Variants in STOX2 observed in about 807,000 individuals in gnomAD.
STOX2 encodes the protein storkhead box 2, also known as storkhead-box protein 2.
STOX2 carries 28 observed loss-of-function variants against 60.9 expected under a neutral mutation model. The observed-to-expected ratio is 0.46, with a 90% CI of 0.34 to 0.63. STOX2 has a LOEUF of 0.63. Among genes scored for constraint, STOX2 ranks in the 30% least tolerant of loss-of-function variants. The pLI is 0.01. For missense variants in STOX2, 1,024 were observed against 1,187.7 expected, an observed-to-expected ratio of 0.86 and a Z score of 2.03; for synonymous variants, 472 against 463.9, an observed-to-expected ratio of 1.02 and a Z score of -0.22.
chr4:183,983,576 C>T (rs1579503439), intron 1 of STOX2, among the ~76,000 whole-genome samples: 1 of 152,108 alleles, frequency 6.6e-6, no homozygotes, highest in East Asian at 1.9e-4. Flanking sequence ...CCAAGAAGTC[C>T]CTGGGGGAAG....
chr4:183,917,340 C>T (rs1308114809), intron 1 of STOX2, among the ~76,000 whole-genome samples: 1 of 152,208 alleles, frequency 6.6e-6, no homozygotes, highest in Admixed American at 6.5e-5. Flanking sequence ...TTAGCTGTAA[C>T]CACCGGGTTG....
intron 1 of STOX2, among the ~76,000 whole-genome samples, chr4:183,992,863 G>T (rs1189310398): frequency 6.6e-6 from 1 of 152,240 alleles, no homozygotes; most frequent in Non-Finnish European, 1.5e-5. Context: ...ATTCGGCTAG[G>T]TTTTATTCCA....
At chr4:183,958,907 G>T (rs1005507957) in intron 1 of STOX2, among the ~76,000 whole-genome samples, 1 of 151,696 alleles carries the variant, frequency 6.6e-6, no homozygotes, top group Non-Finnish European at 1.5e-5. Flanking sequence ...ATTCAGGGAT[G>T]TGGGCAGTTC....
At position 184,009,889 on chromosome 4, in the gene STOX2, G is replaced by C; in HGVS notation, c.1051G>C (p.Ala351Pro). 6.2e-7 allele frequency: 1 copy of C among 1,612,080 alleles called. No homozygotes were observed. Residue 351 changes from alanine (A) to proline (P), a missense_variant, in exon 3 of 4, where the codon GCC (alanine) becomes CCC (proline). Ala to Pro is a conservative substitution (Grantham distance 27). Coordinates refer to ENST00000308497, the MANE Select transcript of STOX2 (RefSeq NM_020225.3). This position sits in a 1 kb window ranked among gnomAD's most constrained non-coding sequence, Gnocchi z 4.0. ...KAQRSKAGSS[A>P]HHSGRSKKSR... ...CCAGAGGAGTAAAGCCGGGTCCTCT[G>C]CCCATCACAGCGGAAGGAGTAAAAA...
At chr4:183,868,327 G>A (rs868816204) in intron 1 of STOX2, among the ~76,000 whole-genome samples, 3 of 152,184 alleles carry the variant, frequency 2.0e-5, no homozygotes, top group Non-Finnish European at 2.9e-5. Flanking sequence ...GTGGGAGGCC[G>A]AGGAGGGAGG....
chr4:184,010,833 C>T lies in STOX2; in HGVS notation c.1995C>T (p.Pro665=), dbSNP rs559919334. 54 of 1,592,878 alleles carry T rather than the reference C, an allele frequency of 3.4e-5. No individual in the cohort carries two copies. The highest frequency in any genetic ancestry group is 5.2e-5 in the Admixed American group (3 of 57,726). Residue 665 remains proline, a synonymous_variant, in exon 3 of 4, where the codon CCC becomes CCT. Coordinates refer to ENST00000308497, the MANE Select transcript of STOX2 (RefSeq NM_020225.3). This position sits in a 1 kb window ranked among gnomAD's most constrained non-coding sequence, Gnocchi z 4.5. ...EESPKGPGGG[P]AASGGVAEGI... is the part of the protein sequence containing the mutation. Reference sequence around the variant, plus strand: ...CACCAAAAGGGCCGGGTGGGGGCCCCGCTGCTTCGGGAGGAGTGGCTGAAG... The same window carrying T: ...CACCAAAAGGGCCGGGTGGGGGCCCTGCTGCTTCGGGAGGAGTGGCTGAAG...
chr4:183,935,224 C>T (rs558299601), intron 1 of STOX2, among the ~76,000 whole-genome samples: 17 of 152,330 alleles, frequency 1.1e-4, no homozygotes, highest in Non-Finnish European at 2.1e-4. Context: ...CATTCTGGGG[C>T]GCCACCCCAT....
rs780021649 is a variant in STOX2, at chr4:183,906,818, C to T, written c.28C>T (p.Arg10Trp). Residue 10 changes from arginine to tryptophan, a missense_variant, in exon 1 of 4, where the codon CGG becomes TGG. By Grantham distance (101) the Arg-to-Trp change is moderately radical. Coordinates refer to ENST00000308497, the MANE Select transcript of STOX2 (RefSeq NM_020225.3). MKKTRSTTLRRAWPSSDFSD... is the reference protein window; with the variant it reads MKKTRSTTLWRAWPSSDFSD... ...GAAGAAGACCCGGAGCACAACCTTG[C>T]GGCGAGCCTGGCCTAGCTCGGATTT... is the stretch of plus-strand genomic sequence containing the variant. 1 of 1,557,706 alleles carries T rather than the reference C, an allele frequency of 6.4e-7. No individual in the cohort carries two copies. Among genetic ancestry groups the T allele is most frequent in the Non-Finnish European group, 8.7e-7 (1 of 1,151,028 alleles).
intron 1 of STOX2, among the ~76,000 whole-genome samples, chr4:183,823,238 A>G (rs540871934): frequency 6.6e-6 from 1 of 152,240 alleles, no homozygotes; most frequent in East Asian, 1.9e-4. Flanking sequence ...TCTCCTAAAA[A>G]TACAAAAATC....
At chr4:183,913,125 C>T (rs550185605) in intron 1 of STOX2, among the ~76,000 whole-genome samples, 5 of 151,776 alleles carry the variant, frequency 3.3e-5, no homozygotes, top group South Asian at 2.1e-4. Context: ...AGAAGTGGGT[C>T]GATTTGAAGA....
rs377338642 is a variant in STOX2, at chr4:183,814,900, G to A, written c.364+16845G>A. The stretch of plus-strand genomic sequence containing the variant: ...TCTTCATTTTCAGATTTTCTTTAGC[G>A]ATAAATGATGTTACTTTGAGTATAA... On this transcript the variant is annotated intron_variant, in intron 1 of 2. Coordinates refer to the STOX2 transcript ENST00000513034. Among the ~76,000 whole-genome samples the A allele has an allele frequency of 1.9e-4, 29 of 152,246 alleles. No individual in the cohort carries two copies. In the East Asian group the frequency reaches 3.3e-3, roughly 17 times the overall value.
At chr4:183,993,132 G>C (rs1366265787) in intron 1 of STOX2, among the ~76,000 whole-genome samples, 1 of 152,218 alleles carries the variant, frequency 6.6e-6, no homozygotes, top group Non-Finnish European at 1.5e-5. Context: ...TGCCCACGAG[G>C]ATGGCCCCTT....
intron 1 of STOX2, among the ~76,000 whole-genome samples, chr4:183,843,470 T>C (rs1739916808): frequency 6.6e-6 from 1 of 152,212 alleles, no homozygotes; most frequent in Non-Finnish European, 1.5e-5. Context: ...GCACTGAACT[T>C]TAGATCAGGA....
At chr4:183,917,929 A>G (rs1234796100) in intron 1 of STOX2, among the ~76,000 whole-genome samples, 1 of 152,266 alleles carries the variant, frequency 6.6e-6, no homozygotes, top group Admixed American at 6.5e-5. Flanking sequence ...ATAAAATAGT[A>G]TCTAATTTAT....
chr4:183,874,573 T>C (rs1423733036), intron 1 of STOX2, among the ~76,000 whole-genome samples: 1 of 152,122 alleles, frequency 6.6e-6, no homozygotes, highest in Non-Finnish European at 1.5e-5. Context: ...TACAGAACTC[T>C]TTCTAATAGC....
At chr4:183,963,219 G>GAGA (rs151111039) in intron 1 of STOX2, among the ~76,000 whole-genome samples, 5,120 of 152,178 alleles carry the variant, frequency 0.034, 296 homozygotes, top group African/African-American at 0.12. Flanking sequence ...ATGGAAATAT[G>GAGA]AGGAGACAGT....
chr4:183,981,380 G>A (rs2309949), intron 1 of STOX2, among the ~76,000 whole-genome samples: 69,798 of 151,158 alleles, frequency 0.46, 16,454 homozygotes, highest in Middle Eastern at 0.52. Flanking sequence ...GCTTCTGTGG[G>A]CCTCCATCAT....
At chr4:183,962,630 A>G (rs926149398) in intron 1 of STOX2, among the ~76,000 whole-genome samples, 1 of 152,178 alleles carries the variant, frequency 6.6e-6, no homozygotes, top group Non-Finnish European at 1.5e-5. Flanking sequence ...GATTGATGTG[A>G]AGCCTGATGC....
intron 1 of STOX2, among the ~76,000 whole-genome samples, chr4:183,878,257 G>A (rs755639867): frequency 2.6e-5 from 4 of 152,098 alleles, no homozygotes; most frequent in Admixed American, 6.6e-5. Flanking sequence ...GAACCTGCCT[G>A]GTAAAGGTGC....
Sources: allele counts gnomAD v4.1 joint callset (sites outside exome capture counted in the v4.1 genomes callset), GRCh38; gene constraint gnomAD v4.1.1; non-coding constraint Gnocchi (gnomAD v3.1); transcripts MANE v1.5; gene names NCBI Gene and HGNC (gene_info 2026-07-23, HGNC 2026-07-21).